The following TMCO5A variants were observed in gnomAD, a reference collection of about 807,000 sequenced individuals.
TMCO5A encodes the protein transmembrane and coiled-coil domains 5A.
TMCO5A carries 34 observed loss-of-function variants against 42.3 expected under a neutral mutation model. That is an observed-to-expected ratio of 0.80 (90% CI 0.61 to 1.07). The LOEUF (loss-of-function observed/expected upper bound fraction) is 1.07, where lower values mean the gene tolerates loss of function less well. TMCO5A is among the 50% of genes least tolerant of loss of function. The pLI, the probability that TMCO5A is intolerant of heterozygous loss-of-function variation, is 0.00. For synonymous variants in TMCO5A, 131 were observed against 115.6 expected, an observed-to-expected ratio of 1.13 and a Z score of -0.86; for missense variants, 357 against 327.9, an observed-to-expected ratio of 1.09 and a Z score of -0.69.
At chr15:37,967,211 C>T (rs370277143) in exon 12 of TMCO5A, 28 of 152,590 alleles carry the variant, frequency 1.8e-4, no homozygotes, top group African/African-American at 6.3e-4. Flanking sequence ...TATATCACAC[C>T]TCTTATTTTT....
the TMCO5A span, among the ~76,000 whole-genome samples, chr15:38,033,903 C>T: frequency 6.6e-6 from 1 of 152,180 alleles, no homozygotes; most frequent in East Asian, 1.9e-4. Flanking sequence ...CATGAGCCAC[C>T]ACACCTGGTC....
chr15:37,941,352 A>T, intron 7 of TMCO5A, 147 bp downstream of exon 7: 3 of 796,168 alleles, frequency 3.8e-6, no homozygotes, highest in Non-Finnish European at 6.1e-6. Flanking sequence ...GAAAAGGAAG[A>T]TAAGCACAAT....
downstream of TMCO5A, among the ~76,000 whole-genome samples, chr15:37,968,336 T>C (rs1890604929): frequency 6.6e-6 from 1 of 152,086 alleles, no homozygotes; most frequent in Admixed American, 6.6e-5. Flanking sequence ...GTCAGAAGTC[T>C]TACCTTCCAA....
intron 11 of TMCO5A, among the ~76,000 whole-genome samples, chr15:37,948,785 G>A (rs897551210): frequency 1.4e-4 from 22 of 152,098 alleles, no homozygotes; most frequent in Admixed American, 6.6e-5. Flanking sequence ...AGACAAGAAA[G>A]CTAGGCTACT....
At chr15:38,040,325 C>T in the TMCO5A span, 1 of 152,188 alleles carries the variant, frequency 6.6e-6, no homozygotes, top group Non-Finnish European at 1.5e-5. Flanking sequence ...ACCATGAGGG[C>T]TCCACAGACA....
At chr15:37,937,183 C>G (rs1236819875) in intron 4 of TMCO5A, among the ~76,000 whole-genome samples, 163 bp from the exon 5 acceptor site, 1 of 152,010 alleles carries the variant, frequency 6.6e-6, no homozygotes, top group Non-Finnish European at 1.5e-5. Context: ...CATCTATATC[C>G]CTGTATTTCA....
chr15:37,996,804 A>G, the TMCO5A span, among the ~76,000 whole-genome samples: 12 of 152,300 alleles, frequency 7.9e-5, no homozygotes, highest in Non-Finnish European at 1.3e-4. Flanking sequence ...GGCCCTGGAC[A>G]CTGGCAGCTT....
At chr15:38,036,165 TTAA>T in the TMCO5A span, among the ~76,000 whole-genome samples, 1 of 152,116 alleles carries the variant, frequency 6.6e-6, no homozygotes, top group Non-Finnish European at 1.5e-5. Flanking sequence ...GTGACTTAGT[TTAA>T]GTTCCAGCTC....
chr15:37,988,866 T>C, the TMCO5A span, among the ~76,000 whole-genome samples: 1 of 152,002 alleles, frequency 6.6e-6, no homozygotes, highest in African/African-American at 2.4e-5. Context: ...CTCATAGAAT[T>C]AGTTAGGATG....
the TMCO5A span, among the ~76,000 whole-genome samples, chr15:38,016,179 A>G: frequency 6.6e-6 from 1 of 152,228 alleles, no homozygotes; most frequent in African/African-American, 2.4e-5. Context: ...TATATGGGAA[A>G]TCTCTGCACC....
the TMCO5A span, among the ~76,000 whole-genome samples, chr15:37,997,268 G>A: frequency 6.6e-6 from 1 of 152,156 alleles, no homozygotes; most frequent in African/African-American, 2.4e-5. Context: ...AGCTCACACC[G>A]TGTCTTTTGT....
At chr15:37,945,125 T>G (rs1407015819) in intron 10 of TMCO5A, among the ~76,000 whole-genome samples, 1 of 152,084 alleles carries the variant, frequency 6.6e-6, no homozygotes, top group African/African-American at 2.4e-5. Context: ...GAACATGCAG[T>G]GTTTGGGTTT....
chr15:37,999,965 C>T, the TMCO5A span, among the ~76,000 whole-genome samples: 7 of 152,036 alleles, frequency 4.6e-5, no homozygotes, highest in African/African-American at 7.2e-5. Context: ...TGTTCATCAG[C>T]GATATTGGCC....
chr15:38,012,079 G>A, the TMCO5A span, among the ~76,000 whole-genome samples: 2 of 150,748 alleles, frequency 1.3e-5, no homozygotes, highest in Non-Finnish European at 2.9e-5. Context: ...AGCCAAGATC[G>A]CGCCACTGCA....
chr15:37,967,676 T>A (rs1217421113), exon 12 of TMCO5A: 2 of 152,202 alleles, frequency 1.3e-5, no homozygotes, highest in Non-Finnish European at 2.9e-5. Flanking sequence ...GTGAAGTATA[T>A]CTTTTCAGAA....
chr15:38,025,747 C>T, the TMCO5A span, among the ~76,000 whole-genome samples: 1 of 152,142 alleles, frequency 6.6e-6, no homozygotes, highest in South Asian at 2.1e-4. Context: ...ATGTCCCCAT[C>T]CCAATCTCAT....
the TMCO5A span, among the ~76,000 whole-genome samples, chr15:37,978,291 C>G: frequency 6.6e-6 from 1 of 152,214 alleles, no homozygotes; most frequent in African/African-American, 2.4e-5. Context: ...TTTGTTCCTT[C>G]CCCAGTCCAA....
rs776581165 is a variant in TMCO5A, at chr15:37,936,919, G to A, written c.213G>A (p.Thr71=). ...AGTGGGAGAAGGAGAACCGCACCACGATGGAAAGGGAAAGAGCCTTGCAGG... is the reference window on the plus strand; with the variant it reads ...AGTGGGAGAAGGAGAACCGCACCACAATGGAAAGGGAAAGAGCCTTGCAGG... ...DEEWEKENRT[T]MERERALQEL... The change falls in exon 4 of 12, where the codon ACG becomes ACA. Residue 71 remains threonine, a synonymous_variant. Coordinates refer to ENST00000319669, the MANE Select transcript of TMCO5A (RefSeq NM_152453.4). 9 of 1,612,476 alleles carry A rather than the reference G, an allele frequency of 5.6e-6. No individual in the cohort carries two copies. Among genetic ancestry groups the A allele is most frequent in the African/African-American group, 2.7e-5 (2 of 74,828 alleles).
Position 37,966,736 on chromosome 15 carries a change from G to A in TMCO5A, c.*93G>A, listed in dbSNP as rs1890566155. ...CTTTTCCAACAGGTTCAGCAGTAAA[G>A]TCCAGAAAAGGTCATAAACTGGCCT... On this transcript the variant is annotated 3_prime_UTR_variant, in exon 12 of 12. Coordinates refer to the TMCO5A transcript ENST00000559502. The A allele has an allele frequency of 1.1e-5, 8 of 702,348 alleles. No individual in the cohort carries two copies. In the South Asian group the frequency reaches 1.2e-4, roughly 10 times the overall value. 43.5% of individuals were successfully genotyped at this position (702,348 alleles called of 1,614,324 possible). A position where few individuals can be genotyped will look rare whatever the true frequency, so the allele number is the denominator to read the frequency against.
Sources: allele counts gnomAD v4.1 joint callset (sites outside exome capture counted in the v4.1 genomes callset), GRCh38; gene constraint gnomAD v4.1.1; transcripts MANE v1.5; gene names NCBI Gene and HGNC (gene_info 2026-07-23, HGNC 2026-07-21).